The following C16orf74 variants were observed in gnomAD, a reference collection of about 807,000 sequenced individuals.
C16orf74 encodes calcimembrin.
A neutral mutation model predicts 6.5 loss-of-function variants in C16orf74; 10 were observed. That is an observed-to-expected ratio of 1.54 (90% CI 0.95 to 2.61). The LOEUF (loss-of-function observed/expected upper bound fraction) is 2.61, where lower values mean the gene tolerates loss of function less well. Ranked by LOEUF, C16orf74 falls within the 30% of genes most tolerant of loss-of-function variation. The probability of loss-of-function intolerance (pLI) is 0.00; values close to 1 mark genes in which losing one functional copy is unlikely to be tolerated. For missense variants in C16orf74, 141 were observed against 105.9 expected (o/e 1.33, Z -1.45); for synonymous variants, 60 against 42.5 (o/e 1.41, Z -1.60).
In C16orf74 at chr16:85,751,059, G is replaced by C. The variant is rs899824549; in HGVS notation, c.-152C>G. 1 of 148,664 alleles carries C rather than the reference G, an allele frequency of 6.7e-6. No homozygotes were observed. 9.2% of individuals were successfully genotyped at this position (148,664 alleles called of 1,614,324 possible). A position where few individuals can be genotyped will look rare whatever the true frequency, so the allele number is the denominator to read the frequency against. Reference sequence around the variant, plus strand: ...CGAGCCTGCAAGACAGAGCAGCGGGGGTCATGGCCCGGCCGGCGCTCGGGC... The same window carrying C: ...CGAGCCTGCAAGACAGAGCAGCGGGCGTCATGGCCCGGCCGGCGCTCGGGC... On this transcript the variant is annotated 5_prime_UTR_variant, in exon 1 of 4. Coordinates refer to ENST00000284245, the MANE Select transcript of C16orf74 (RefSeq NM_206967.3).
chr16:85,711,780 G>A (rs1346337262), intron 2 of C16orf74, among the ~76,000 whole-genome samples: 3 of 152,162 alleles, frequency 2.0e-5, no homozygotes, highest in Non-Finnish European at 4.4e-5. Context: ...CAGAGCCCCT[G>A]ACCAACAGGA....
chr16:85,724,229 G>A (rs756925589), intron 2 of C16orf74, among the ~76,000 whole-genome samples: 9 of 152,154 alleles, frequency 5.9e-5, no homozygotes, highest in Non-Finnish European at 8.8e-5. Flanking sequence ...ACAAAGCCAG[G>A]GAGACCCCCG....
chr16:85,735,131 C>T, intron 2 of C16orf74, 59 bp downstream of exon 2: 2 of 1,533,670 alleles, frequency 1.3e-6, no homozygotes, highest in East Asian at 2.4e-5. Context: ...CTCTCCTGCC[C>T]CCCAACCCAG....
At chr16:85,739,034 C>G (rs1200782485) in intron 1 of C16orf74, among the ~76,000 whole-genome samples, 2 of 152,196 alleles carry the variant, frequency 1.3e-5, no homozygotes, top group African/African-American at 2.4e-5. Flanking sequence ...TTGGAGTCCC[C>G]AGGGGACAGA....
At chr16:85,731,637 C>T (rs1006823633) in intron 2 of C16orf74, among the ~76,000 whole-genome samples, 3 of 151,942 alleles carry the variant, frequency 2.0e-5, no homozygotes, top group Admixed American at 1.3e-4. Flanking sequence ...TACACCTAAC[C>T]GGAGCCTGTG....
chr16:85,721,987 T>C (rs1026849255), intron 2 of C16orf74, among the ~76,000 whole-genome samples: 1 of 150,260 alleles, frequency 6.7e-6, no homozygotes, highest in African/African-American at 2.4e-5. Flanking sequence ...CCTTTTTTTT[T>C]TTTTTTTTTT....
chr16:85,748,608 CA>C (rs1297896027), intron 1 of C16orf74, among the ~76,000 whole-genome samples: 1 of 151,830 alleles, frequency 6.6e-6, no homozygotes, highest in Non-Finnish European at 1.5e-5. Context: ...GAAAAAACAA[CA>C]AAAAAACCCA....
intron 2 of C16orf74, among the ~76,000 whole-genome samples, chr16:85,716,973 G>T (rs545571244): frequency 6.6e-6 from 1 of 152,320 alleles, no homozygotes; most frequent in South Asian, 2.1e-4. Context: ...ATTCCAGAAG[G>T]AAGGGAGCAG....
At position 85,735,170 on chromosome 16, in the gene C16orf74, G is replaced by C. The variant is rs184157441; in HGVS notation, c.28+20C>G. 5.6e-4 allele frequency: 889 copies of C among 1,600,014 alleles called. 5 individuals are homozygous for C. The highest frequency in any genetic ancestry group is 3.9e-3 in the South Asian group (344 of 89,150). On this transcript the variant is annotated intron_variant, in intron 2 of 3. Coordinates refer to ENST00000284245, the MANE Select transcript of C16orf74 (RefSeq NM_206967.3). Reference sequence around the variant, plus strand: ...CCCCTCTGCCATGAGAGCTGGTGGGGGCAGAGCTTCAGGCCTTACCTTTCA... The same window carrying C: ...CCCCTCTGCCATGAGAGCTGGTGGGCGCAGAGCTTCAGGCCTTACCTTTCA...
At chr16:85,740,572 G>T (rs1233722749) in intron 1 of C16orf74, among the ~76,000 whole-genome samples, 3 of 151,704 alleles carry the variant, frequency 2.0e-5, no homozygotes, top group Admixed American at 1.3e-4. Flanking sequence ...CGTGGTGGCG[G>T]GCCCAGCTAC....
rs138343859 is a variant in C16orf74, at chr16:85,715,603, C to T, written c.29-5296G>A. On this transcript the variant is annotated intron_variant, in intron 2 of 3. Coordinates refer to ENST00000284245, the MANE Select transcript of C16orf74 (RefSeq NM_206967.3). ...ACAAACTACACACACAGCTTTGCCA[C>T]GGCAGCCTGAAAGCAGCCGTAGACA... Among the ~76,000 whole-genome samples the T allele has an allele frequency of 3.3e-4, 50 of 152,314 alleles. No individual in the cohort carries two copies. The East Asian group carries it at 3.7e-3, about 11-fold the overall frequency.
intron 2 of C16orf74, among the ~76,000 whole-genome samples, chr16:85,732,440 A>C (rs380482): frequency 0.99 from 150,172 of 151,734 alleles, 74,334 homozygotes; most frequent in Middle Eastern, 1. Context: ...CTGAGGCAGG[A>C]GGATCACTTG....
Position 85,735,179 on chromosome 16 carries a change from T to C in C16orf74, c.28+11A>G, listed in dbSNP as rs1381113332. ...CATGAGAGCTGGTGGGGGCAGAGCTTCAGGCCTTACCTTTCAGGCAGGACA... is the reference window on the plus strand; with the variant it reads ...CATGAGAGCTGGTGGGGGCAGAGCTCCAGGCCTTACCTTTCAGGCAGGACA... On this transcript the variant is annotated intron_variant, in intron 2 of 3. Transcript: ENST00000284245. 4.4e-6 allele frequency: 7 copies of C among 1,603,490 alleles called. No individual in the cohort carries two copies. The highest frequency in any genetic ancestry group is 6.0e-6 in the Non-Finnish European group (7 of 1,174,834).
chr16:85,713,565 G>A (rs552894153), intron 2 of C16orf74, among the ~76,000 whole-genome samples: 26 of 152,264 alleles, frequency 1.7e-4, no homozygotes, highest in South Asian at 1.0e-3. Flanking sequence ...GAGCCACAGC[G>A]CCCAGCCCAG....
At chr16:85,733,473 G>C (rs2054212325) in intron 2 of C16orf74, among the ~76,000 whole-genome samples, 1 of 152,152 alleles carries the variant, frequency 6.6e-6, no homozygotes, top group Non-Finnish European at 1.5e-5. Context: ...AGACGGGTGG[G>C]GTGATGGTTG....
intron 2 of C16orf74, among the ~76,000 whole-genome samples, chr16:85,712,243 A>G (rs1056986324): frequency 1.3e-5 from 2 of 152,244 alleles, no homozygotes; most frequent in Non-Finnish European, 2.9e-5. Flanking sequence ...TCTTGGATGT[A>G]ACATCATGAT....
At chr16:85,750,860 C>T (rs1211693808) in intron 1 of C16orf74, 66 bp downstream of exon 1, 1 of 151,816 alleles carries the variant, frequency 6.6e-6, no homozygotes, top group Non-Finnish European at 1.5e-5. Flanking sequence ...CGGCCGGGGC[C>T]GCGTTGCTCG....
rs143869171 is a variant in C16orf74 at position 85,709,175 on chromosome 16, C to G, written c.172+989G>C. ...TTTGAGACCAGCCTGGCCAACACAACGAAACCCCATTTCTACTAAAATACA... is the reference window on the plus strand; with the variant it reads ...TTTGAGACCAGCCTGGCCAACACAAGGAAACCCCATTTCTACTAAAATACA... On this transcript the variant is annotated intron_variant, in intron 3 of 3. Coordinates refer to ENST00000284245, the MANE Select transcript of C16orf74 (RefSeq NM_206967.3). Among the ~76,000 whole-genome samples the G allele has an allele frequency of 2.9e-3, 444 of 152,246 alleles. 2 individuals are homozygous for G. Among genetic ancestry groups the G allele is most frequent in the South Asian group, 0.011 (51 of 4,818 alleles).
intron 1 of C16orf74, among the ~76,000 whole-genome samples, chr16:85,735,991 C>T (rs950344121): frequency 6.6e-6 from 1 of 152,160 alleles, no homozygotes; most frequent in Non-Finnish European, 1.5e-5. Context: ...CCAAGGCTAC[C>T]AGCTTACTAG....
Sources: gnomAD v4.1 joint callset for allele counts (sites outside exome capture counted in the v4.1 genomes callset) on GRCh38, gnomAD v4.1.1 for gene constraint, MANE v1.5 for transcripts, NCBI Gene and HGNC (gene_info 2026-07-23, HGNC 2026-07-21) for gene names.